Variants in GAS7 observed in about 807,000 individuals in gnomAD.
GAS7 encodes the protein growth arrest-specific protein 7.
Under a neutral mutation model 71.1 loss-of-function variants are expected in GAS7, and 28 were observed. The observed-to-expected ratio is 0.39, with a 90% CI of 0.29 to 0.54. The LOEUF (loss-of-function observed/expected upper bound fraction) is 0.54. Ranked by LOEUF, GAS7 falls within the 20% of genes least tolerant of loss-of-function variation. GAS7 has a pLI of 0.62. For missense variants in GAS7, 436 were observed against 627.8 expected (o/e 0.69, Z 3.27); for synonymous variants, 258 against 245.8 (o/e 1.05, Z -0.46).
At chr17:10,159,076 A>ATATATATATG (rs1303459597) in intron 1 of GAS7, among the ~76,000 whole-genome samples, 3 of 112,072 alleles carry the variant, frequency 2.7e-5, no homozygotes, top group African/African-American at 1.1e-4. Context: ...ATATATATAT[A>ATATATATATG]TATATATATA....
intron 3 of GAS7, among the ~76,000 whole-genome samples, chr17:9,970,619 C>A (rs557830910): frequency 4.2e-4 from 64 of 151,928 alleles, no homozygotes; most frequent in African/African-American, 1.5e-3. Context: ...GCAACAAGAG[C>A]AAAACTCCAT....
chr17:9,945,694 G>C (rs138237934), intron 6 of GAS7, among the ~76,000 whole-genome samples: 1 of 151,860 alleles, frequency 6.6e-6, no homozygotes, highest in Non-Finnish European at 1.5e-5. Flanking sequence ...AATCCGGCTG[G>C]GCACGATGGC....
chr17:10,154,962 C>T (rs1011682391), intron 1 of GAS7, among the ~76,000 whole-genome samples: 2 of 148,526 alleles, frequency 1.3e-5, no homozygotes, highest in African/African-American at 5.1e-5. Context: ...ACACAAAACC[C>T]ATGTCCACAG....
At chr17:10,152,537 C>G (rs2074174283) in intron 1 of GAS7, among the ~76,000 whole-genome samples, 1 of 152,176 alleles carries the variant, frequency 6.6e-6, no homozygotes, top group Non-Finnish European at 1.5e-5. Context: ...GACCGAGTGA[C>G]TCATTCAAGG....
Position 9,943,174 on chromosome 17 carries a change from T to C in GAS7, c.678A>G (p.Lys226=). ...TCTGCATTTGTTTGCCCTTCAGCTG[T>C]TTCTGGAGCAGTAGTTCAAACCCAG... is the stretch of plus-strand genomic sequence containing the variant. The part of the protein sequence containing the change: ...TVAGFELLLQ[K]QLKGKQMQKE... Residue 226 remains lysine (K), a synonymous_variant, in exon 7 of 14, where the codon AAA becomes AAG. Coordinates refer to ENST00000432992, the MANE Select transcript of GAS7 (RefSeq NM_201433.2). The C allele has an allele frequency of 6.2e-7, 1 of 1,613,856 alleles. No homozygotes were observed. Among genetic ancestry groups the C allele is most frequent in the Non-Finnish European group, 8.5e-7 (1 of 1,179,734 alleles).
At chr17:10,148,641 G>T in intron 1 of GAS7, among the ~76,000 whole-genome samples, 1 of 150,432 alleles carries the variant, frequency 6.6e-6, no homozygotes, top group East Asian at 2.0e-4. Flanking sequence ...GCCAGGCGCG[G>T]TGGCTCACGC....
intron 1 of GAS7, among the ~76,000 whole-genome samples, chr17:10,116,559 C>A (rs1434202777): frequency 6.6e-6 from 1 of 152,084 alleles, no homozygotes; most frequent in African/African-American, 2.4e-5. Flanking sequence ...CCAGCCGCAT[C>A]CTGCCAGGGA....
rs1567758862 is a variant in GAS7, at chr17:9,914,335, T to C, written c.*2893A>G. On this transcript the variant is annotated 3_prime_UTR_variant, in exon 14 of 14. Transcript: ENST00000432992. ...TCCGCCTCCCAGGTTCAAGCGATTC[T>C]ACTGCCTCAGCCTGCCGAATAGTTG... 5.4e-6 allele frequency: 1 copy of C among 184,500 alleles called. No individual in the cohort carries two copies. The highest frequency in any genetic ancestry group is 1.1e-5 in the Non-Finnish European group (1 of 87,026). The allele number at this position is 184,500 out of a possible 1,614,324, so 11.4% of individuals were successfully genotyped here. A position where few individuals can be genotyped will look rare whatever the true frequency, so the allele number is the denominator to read the frequency against.
intron 1 of GAS7, among the ~76,000 whole-genome samples, chr17:10,057,444 C>T (rs867296649): frequency 1.1e-4 from 16 of 151,692 alleles, no homozygotes; most frequent in South Asian, 6.3e-4. Flanking sequence ...TGCCGGGCCG[C>T]GACCCCGTCT....
intron 1 of GAS7, among the ~76,000 whole-genome samples, chr17:10,175,469 C>T (rs746440862): frequency 6.6e-6 from 1 of 152,166 alleles, no homozygotes; most frequent in Non-Finnish European, 1.5e-5. Context: ...CACTGGCTTA[C>T]AAACAGCCGT....
intron 1 of GAS7, among the ~76,000 whole-genome samples, chr17:10,109,139 AT>A (rs1229729670): frequency 6.6e-6 from 1 of 152,126 alleles, no homozygotes; most frequent in Non-Finnish European, 1.5e-5. Flanking sequence ...AAAAATAAAA[AT>A]AAATAAAAAT....
At chr17:10,057,925 A>AATTTGTTAATC (rs2073169406) in intron 1 of GAS7, among the ~76,000 whole-genome samples, 1 of 152,252 alleles carries the variant, frequency 6.6e-6, no homozygotes, top group South Asian at 2.1e-4. Context: ...CTGCCTTGGG[A>AATTTGTTAATC]TGCTGTTAAT....
chr17:10,150,529 G>A (rs886124959), intron 1 of GAS7, among the ~76,000 whole-genome samples: 2 of 150,572 alleles, frequency 1.3e-5, no homozygotes, highest in African/African-American at 4.9e-5. Context: ...GTTGTTGAAT[G>A]AACACCTATG....
intron 1 of GAS7, among the ~76,000 whole-genome samples, chr17:10,112,198 CAT>C (rs2073819957): frequency 6.6e-6 from 1 of 152,222 alleles, no homozygotes; most frequent in Non-Finnish European, 1.5e-5. Context: ...GCTGTCACTG[CAT>C]CCAATTCCAC....
chr17:9,938,396 T>A (rs2068475671), intron 8 of GAS7, among the ~76,000 whole-genome samples: 1 of 144,268 alleles, frequency 6.9e-6, no homozygotes, highest in African/African-American at 2.6e-5. Flanking sequence ...TAGTCCCAGC[T>A]ACTTGGGAGG....
chr17:10,196,548 C>T (rs763013880), intron 1 of GAS7, among the ~76,000 whole-genome samples: 19 of 152,272 alleles, frequency 1.2e-4, no homozygotes, highest in South Asian at 4.1e-4. Flanking sequence ...TTGTTAATTC[C>T]GCTTGTCCCC....
intron 1 of GAS7, among the ~76,000 whole-genome samples, chr17:10,142,377 T>C (rs2142098319): frequency 1.3e-5 from 2 of 152,324 alleles, no homozygotes; most frequent in Middle Eastern, 3.4e-3. Flanking sequence ...TGTTTGTTTG[T>C]TTGTTTTTTG....
At chr17:10,002,142 A>G (rs1400691160) in intron 2 of GAS7, among the ~76,000 whole-genome samples, 1 of 152,224 alleles carries the variant, frequency 6.6e-6, no homozygotes, top group African/African-American at 2.4e-5. Flanking sequence ...GGTGGCTTAA[A>G]GAACAGAAAC....
intron 4 of GAS7, among the ~76,000 whole-genome samples, chr17:9,961,082 A>G (rs2069471124): frequency 6.6e-6 from 1 of 152,068 alleles, no homozygotes; most frequent in Admixed American, 6.5e-5. Flanking sequence ...GATTTGCAGA[A>G]TCTGTGGACC....
Sources: allele counts gnomAD v4.1 joint callset (sites outside exome capture counted in the v4.1 genomes callset), GRCh38; gene constraint gnomAD v4.1.1; transcripts MANE v1.5; gene names NCBI Gene and HGNC (gene_info 2026-07-23, HGNC 2026-07-21).